CEP112: variants seen among roughly 807,000 people sequenced by gnomAD.
CEP112 encodes centrosomal protein 112.
A neutral mutation model predicts 153.0 loss-of-function variants in CEP112; 127 were observed. The ratio of observed to expected loss-of-function variants is 0.83; its 90% confidence interval spans 0.72 to 0.96. The LOEUF (loss-of-function observed/expected upper bound fraction) is 0.96, where lower values mean the gene tolerates loss of function less well. Among genes scored for constraint, CEP112 ranks in the 40% least tolerant of loss-of-function variants. The pLI is 0.00. For missense variants in CEP112, 1,089 were observed against 1,101.2 expected (o/e 0.99, Z 0.16); for synonymous variants, 358 against 374.4 (o/e 0.96, Z 0.51).
intron 16 of CEP112, among the ~76,000 whole-genome samples, chr17:66,025,195 C>G (rs2065151606): frequency 1.3e-5 from 2 of 151,938 alleles, no homozygotes; most frequent in Non-Finnish European, 2.9e-5. Flanking sequence ...GGAAGAAAAC[C>G]TAGGGAAAAC....
intron 17 of CEP112, among the ~76,000 whole-genome samples, chr17:65,963,111 G>A (rs1438944066): frequency 6.6e-6 from 1 of 152,192 alleles, no homozygotes. Flanking sequence ...AGTCCTGAAA[G>A]TGTGCTTCTA....
intron 21 of CEP112, among the ~76,000 whole-genome samples, chr17:65,818,002 TC>T (rs2056358633): frequency 2.0e-5 from 3 of 151,878 alleles, no homozygotes; most frequent in Admixed American, 6.6e-5. Context: ...ATCCATTAGG[TC>T]CTGATCAATT....
intron 20 of CEP112, among the ~76,000 whole-genome samples, chr17:65,871,270 T>C (rs1161552206): frequency 1.3e-5 from 2 of 152,216 alleles, no homozygotes; most frequent in African/African-American, 4.8e-5. Context: ...CTTCTTATCA[T>C]GACTTCTAAC....
At chr17:65,692,687 A>G (rs12952646) in intron 23 of CEP112, among the ~76,000 whole-genome samples, 47,241 of 151,988 alleles carry the variant, frequency 0.31, 7,754 homozygotes, top group Middle Eastern at 0.48. Context: ...AATCTATACA[A>G]GAGCTAAGTA....
intron 21 of CEP112, among the ~76,000 whole-genome samples, chr17:65,767,838 G>T (rs776618943): frequency 6.6e-6 from 1 of 151,900 alleles, no homozygotes; most frequent in Non-Finnish European, 1.5e-5. Context: ...GAAATAGCTT[G>T]AACAGGCCAA....
chr17:65,952,815 C>T (rs7207039), intron 18 of CEP112, among the ~76,000 whole-genome samples: 5,847 of 152,208 alleles, frequency 0.038, 165 homozygotes, highest in South Asian at 0.11. Flanking sequence ...TTCTAATGAA[C>T]GTGTAGTAGC....
chr17:66,072,063 T>TA (rs2067325727), intron 8 of CEP112, among the ~76,000 whole-genome samples: 1 of 152,220 alleles, frequency 6.6e-6, no homozygotes, highest in Admixed American at 6.5e-5. Context: ...ACATGCCCTT[T>TA]ACCCAGATTT....
chr17:65,677,858 A>G (rs2047312403), intron 24 of CEP112, among the ~76,000 whole-genome samples: 1 of 152,196 alleles, frequency 6.6e-6, no homozygotes, highest in East Asian at 1.9e-4. Flanking sequence ...GGCTGCAGTG[A>G]GCCAAGATTG....
chr17:65,699,553 T>G (rs947144912), intron 23 of CEP112, among the ~76,000 whole-genome samples: 5 of 152,178 alleles, frequency 3.3e-5, no homozygotes, highest in African/African-American at 1.2e-4. Flanking sequence ...GCTAAGTCCC[T>G]TCTCAGTGTC....
rs1376780735 is a variant in CEP112, at chr17:65,851,933, A to G, written c.2265T>C (p.Arg755=). ...KQQLVELGLL[R]EEEKQRATRE... ...TTGTAGCCCTTTGCTTTTCCTCTTC[A>G]CGAAGAAGACCAAGCTCTACCAGCT... The change falls in exon 21 of 27, where the codon CGT becomes CGC. Residue 755 remains arginine, a synonymous_variant. Transcript: ENST00000535342. 5 of 1,613,916 alleles carry G rather than the reference A, an allele frequency of 3.1e-6. No individual in the cohort carries two copies. In the African/African-American group the frequency reaches 6.7e-5, roughly 22 times the overall value.
rs1156739765 is a variant in CEP112, at chr17:65,896,629, C to T, written c.2163+5523G>A. On this transcript the variant is annotated intron_variant, in intron 20 of 26. Transcript: ENST00000535342. ...GCATACTAATGAAACATGATTTTCACATCAGTGCATCCAAGCCAAAATATG... is the reference window on the plus strand; with the variant it reads ...GCATACTAATGAAACATGATTTTCATATCAGTGCATCCAAGCCAAAATATG... Among the ~76,000 whole-genome samples, 7 of 152,068 alleles carry T rather than the reference C, an allele frequency of 4.6e-5. No individual in the cohort carries two copies. The East Asian group carries it at 1.2e-3, about 25-fold the overall frequency.
intron 21 of CEP112, among the ~76,000 whole-genome samples, chr17:65,824,338 A>G (rs1467506390): frequency 6.6e-6 from 1 of 152,236 alleles, no homozygotes; most frequent in Non-Finnish European, 1.5e-5. Context: ...TTTACATGAC[A>G]TTCCAGAAAA....
At chr17:66,021,209 T>C (rs551436618) in intron 16 of CEP112, among the ~76,000 whole-genome samples, 1 of 152,212 alleles carries the variant, frequency 6.6e-6, no homozygotes, top group East Asian at 1.9e-4. Context: ...CCATTCTTGA[T>C]TCTAACTCAT....
intron 19 of CEP112, 26 bp from the exon 20 acceptor site, chr17:65,902,360 T>A: frequency 1.9e-6 from 3 of 1,585,196 alleles, no homozygotes; most frequent in Non-Finnish European, 2.6e-6. Flanking sequence ...GGAGGACAGT[T>A]CATCAACAGA....
rs1234164653 is a variant in CEP112 at position 65,951,737 on chromosome 17, TC to T, written c.1872+9725del. Among the ~76,000 whole-genome samples the T allele has an allele frequency of 1.1e-3, 106 of 96,984 alleles. 3 individuals are homozygous for T. Among genetic ancestry groups the T allele is most frequent in the African/African-American group, 3.6e-3 (101 of 28,388 alleles). The allele number at this position is 96,984 out of a possible 152,430, so 63.6% of individuals were successfully genotyped here. A position where few individuals can be genotyped will look rare whatever the true frequency, so the allele number is the denominator to read the frequency against. On this transcript the variant is annotated intron_variant, in intron 18 of 26. Coordinates refer to ENST00000535342, the MANE Select transcript of CEP112 (RefSeq NM_001199165.4). ...CAATCTTAGCTTTCTGCTCTAATCT[TC>T]CCCCGCCCCCCCCTTTCTTCCACTT...
chr17:65,826,387 C>T, intron 21 of CEP112: 3 of 1,589,032 alleles, frequency 1.9e-6, no homozygotes, highest in Non-Finnish European at 2.6e-6. Context: ...AACAAGAAGC[C>T]AGTGAGAGCA....
At chr17:66,099,190 C>CAGAATCAA (rs1376329885) in intron 6 of CEP112, among the ~76,000 whole-genome samples, 1 of 152,094 alleles carries the variant, frequency 6.6e-6, no homozygotes, top group East Asian at 1.9e-4. Context: ...AGAAACAAGA[C>CAGAATCAA]AGAATCAAAG....
chr17:65,958,411 T>C (rs1425855235), intron 18 of CEP112, among the ~76,000 whole-genome samples: 1 of 152,214 alleles, frequency 6.6e-6, no homozygotes, highest in Non-Finnish European at 1.5e-5. Context: ...CAGCCTACCA[T>C]ACCATAGCTG....
At chr17:65,879,008 T>C (rs182584359) in intron 20 of CEP112, among the ~76,000 whole-genome samples, 71 of 152,254 alleles carry the variant, frequency 4.7e-4, no homozygotes, top group Admixed American at 4.0e-3. Flanking sequence ...GAGAGATATA[T>C]TGGGAGGAGG....
Sources: allele counts gnomAD v4.1 joint callset (sites outside exome capture counted in the v4.1 genomes callset), GRCh38; gene constraint gnomAD v4.1.1; transcripts MANE v1.5; gene names NCBI Gene and HGNC (gene_info 2026-07-23, HGNC 2026-07-21).